Variants in MECOM observed in about 807,000 individuals in gnomAD.
The protein encoded by MECOM is histone-lysine N-methyltransferase MECOM.
A neutral mutation model predicts 116.3 loss-of-function variants in MECOM; 13 were observed. The observed-to-expected ratio is 0.11, with a 90% CI of 0.07 to 0.18. The LOEUF is 0.18. Ranked by LOEUF, MECOM falls within the 10% of genes least tolerant of loss-of-function variation. The pLI is 1.00. For missense variants in MECOM, 1,299 were observed against 1,509.0 expected (o/e 0.86, Z 2.31); for synonymous variants, 528 against 535.2 (o/e 0.99, Z 0.19).
chr3:169,398,068 T>C (rs78516732), intron 1 of MECOM, among the ~76,000 whole-genome samples: 9,253 of 152,212 alleles, frequency 0.061, 630 homozygotes, highest in African/African-American at 0.16. Context: ...GGGATGAGCT[T>C]TGATAAATGA....
At position 169,145,193 on chromosome 3, in the gene MECOM, G is replaced by C. The variant is rs259671; in HGVS notation, c.376-1361C>G. ...ACACACACACACACACACACACAGA[G>C]AGAAATCAAACTCTTCTTTTTCAAG... On this transcript the variant is annotated intron_variant, in intron 2 of 16. Coordinates refer to ENST00000651503, the MANE Select transcript of MECOM (RefSeq NM_004991.4). The C allele has an allele frequency of 0.011, 846 of 76,930 alleles. 18 individuals are homozygous for C. In the African/African-American group the frequency reaches 0.18, roughly 17 times the overall value. 4.8% of individuals were successfully genotyped at this position (76,930 alleles called of 1,614,324 possible).
At chr3:169,396,525 T>C (rs1051020582) in intron 1 of MECOM, among the ~76,000 whole-genome samples, 1 of 152,228 alleles carries the variant, frequency 6.6e-6, no homozygotes, top group Non-Finnish European at 1.5e-5. Context: ...GGATACACTA[T>C]GTTAAATAAA....
intron 1 of MECOM, among the ~76,000 whole-genome samples, chr3:169,568,907 T>C (rs527341708): frequency 6.6e-6 from 1 of 152,240 alleles, no homozygotes; most frequent in Non-Finnish European, 1.5e-5. Flanking sequence ...GTAAAGACCA[T>C]TGACACTATG....
intron 2 of MECOM, among the ~76,000 whole-genome samples, chr3:169,160,585 A>G (rs1037221681): frequency 3.4e-5 from 5 of 148,450 alleles, no homozygotes; most frequent in Admixed American, 2.0e-4. Context: ...TTATTTTAAA[A>G]TGTACAATAT....
At chr3:169,657,905 G>A (rs1233932422) in intron 1 of MECOM, among the ~76,000 whole-genome samples, 1 of 152,192 alleles carries the variant, frequency 6.6e-6, no homozygotes, top group African/African-American at 2.4e-5. Flanking sequence ...GGCTGGGGAG[G>A]ATAATACCAA....
chr3:169,126,035 A>G (rs1315971278), intron 5 of MECOM, among the ~76,000 whole-genome samples: 1 of 152,168 alleles, frequency 6.6e-6, no homozygotes, highest in East Asian at 1.9e-4. Context: ...TTGGAGGATT[A>G]GCATTCAATT....
Position 169,518,364 on chromosome 3 carries a change from T to C in MECOM, c.38-136840A>G, listed in dbSNP as rs553233110. The stretch of plus-strand genomic sequence containing the variant: ...TCCTGGGGGAAGGGGAGCAATAAGA[T>C]GTCGGCTAGCCAAAAGCATTCTCCT... On this transcript the variant is annotated intron_variant, in intron 1 of 16. Transcript: ENST00000651503. Among the ~76,000 whole-genome samples the C allele has an allele frequency of 3.3e-5, 5 of 152,286 alleles. No homozygotes were observed. The East Asian group carries it at 7.7e-4, about 24-fold the overall frequency.
At chr3:169,427,430 T>C (rs1438601586) in intron 1 of MECOM, among the ~76,000 whole-genome samples, 1 of 152,208 alleles carries the variant, frequency 6.6e-6, no homozygotes, top group Non-Finnish European at 1.5e-5. Flanking sequence ...AATTAATTCT[T>C]GGTCTAAAAT....
At chr3:169,408,025 A>T (rs146225656) in intron 1 of MECOM, among the ~76,000 whole-genome samples, 293 of 152,322 alleles carry the variant, frequency 1.9e-3, no homozygotes, top group Admixed American at 3.3e-3. Flanking sequence ...ATATAGTGTG[A>T]TTTCCATTGC....
At chr3:169,224,349 CAAG>C (rs1171294988) in intron 2 of MECOM, among the ~76,000 whole-genome samples, 4 of 152,240 alleles carry the variant, frequency 2.6e-5, no homozygotes, top group South Asian at 4.2e-4. Flanking sequence ...AAAGCAATGG[CAAG>C]AAGAAGTCTT....
intron 2 of MECOM, among the ~76,000 whole-genome samples, chr3:169,365,328 T>C (rs1321206523): frequency 6.6e-6 from 1 of 152,098 alleles, no homozygotes; most frequent in Admixed American, 6.6e-5. Context: ...GTTTAATCTT[T>C]ACTTCCCTGG....
intron 2 of MECOM, among the ~76,000 whole-genome samples, chr3:169,208,860 C>CA (rs1183239778): frequency 7.3e-6 from 1 of 137,828 alleles, no homozygotes; most frequent in Non-Finnish European, 1.6e-5. Context: ...CATTTGGAAC[C>CA]AAAAAAGAGC....
intron 1 of MECOM, among the ~76,000 whole-genome samples, chr3:169,534,062 CAG>C (rs1157840304): frequency 6.6e-6 from 1 of 152,172 alleles, no homozygotes; most frequent in African/African-American, 2.4e-5. Flanking sequence ...GTTTTTCTAC[CAG>C]AGATACCTAG....
In MECOM at chr3:169,127,725, G is replaced by T. The variant is rs1277063632; in HGVS notation, c.830+119C>A. On this transcript the variant is annotated intron_variant, in intron 5 of 16. Coordinates refer to ENST00000651503, the MANE Select transcript of MECOM (RefSeq NM_004991.4). ...CAAATATGATTTCTGAACATGTCAC[G>T]AGTGCATTTGTCCAGCTCACTGGAG... is the stretch of plus-strand genomic sequence containing the variant. 4.1e-6 allele frequency: 3 copies of T among 737,610 alleles called. No homozygotes were observed. In the East Asian group the frequency reaches 7.4e-5, roughly 18 times the overall value. 45.7% of individuals were successfully genotyped at this position (737,610 alleles called of 1,614,324 possible). A position where few individuals can be genotyped will look rare whatever the true frequency, so the allele number is the denominator to read the frequency against.
intron 2 of MECOM, among the ~76,000 whole-genome samples, chr3:169,357,796 T>TG (rs1361090629): frequency 6.6e-6 from 1 of 151,270 alleles, no homozygotes; most frequent in Non-Finnish European, 1.5e-5. Context: ...GATAAATGAA[T>TG]GAAAACTAGA....
intron 1 of MECOM, among the ~76,000 whole-genome samples, chr3:169,659,991 T>G (rs1776072745): frequency 6.6e-6 from 1 of 151,950 alleles, no homozygotes; most frequent in African/African-American, 2.4e-5. Flanking sequence ...GCTAAGGGAG[T>G]TACTGGATGC....
rs1038687082 is a variant in MECOM at position 169,613,096 on chromosome 3, T to C, written c.37+50240A>G. On this transcript the variant is annotated intron_variant, in intron 1 of 16. Coordinates refer to ENST00000651503, the MANE Select transcript of MECOM (RefSeq NM_004991.4). ...TAGATGACCTGTTCATTTTTTTCCT[T>C]ACCATTGATTTCCACAGTACAAAAA... Among the ~76,000 whole-genome samples, 6 of 152,212 alleles carry C rather than the reference T, an allele frequency of 3.9e-5. No individual in the cohort carries two copies. In the East Asian group the frequency reaches 1.2e-3, roughly 29 times the overall value.
chr3:169,279,187 C>T (rs1347924230), intron 2 of MECOM, among the ~76,000 whole-genome samples: 1 of 152,190 alleles, frequency 6.6e-6, no homozygotes, highest in Non-Finnish European at 1.5e-5. Context: ...TCAACCACCA[C>T]CATAATAAAC....
At chr3:169,239,431 CAATAT>C (rs1420963884) in intron 2 of MECOM, among the ~76,000 whole-genome samples, 2 of 151,526 alleles carry the variant, frequency 1.3e-5, no homozygotes, top group African/African-American at 4.8e-5. Context: ...GACATACTAA[CAATAT>C]AATATATTAA....
Sources: gnomAD v4.1 joint callset for allele counts (sites outside exome capture counted in the v4.1 genomes callset) on GRCh38, gnomAD v4.1.1 for gene constraint, MANE v1.5 for transcripts, NCBI Gene and HGNC (gene_info 2026-07-23, HGNC 2026-07-21) for gene names.